AHCTF1: variants seen among roughly 807,000 people sequenced by gnomAD.
AHCTF1 encodes the protein protein ELYS.
AHCTF1 carries 24 observed loss-of-function variants against 248.4 expected under a neutral mutation model. That is an observed-to-expected ratio of 0.10 (90% CI 0.07 to 0.14). AHCTF1 has a LOEUF of 0.14. Among genes scored for constraint, AHCTF1 ranks in the 10% least tolerant of loss-of-function variants. The probability of loss-of-function intolerance (pLI) is 1.00; values close to 1 mark genes in which losing one functional copy is unlikely to be tolerated. For missense variants in AHCTF1, 2,206 were observed against 2,636.2 expected, an observed-to-expected ratio of 0.84 and a Z score of 3.57; for synonymous variants, 786 against 929.8, an observed-to-expected ratio of 0.85 and a Z score of 2.81.
At chr1:246,873,681 G>C (rs1246559169) in intron 24 of AHCTF1, among the ~76,000 whole-genome samples, 1 of 152,170 alleles carries the variant, frequency 6.6e-6, no homozygotes, top group Non-Finnish European at 1.5e-5. Context: ...ACAGCAAAGG[G>C]AAAGAATCTG....
intron 12 of AHCTF1, among the ~76,000 whole-genome samples, chr1:246,897,460 G>A (rs1188449103): frequency 6.6e-6 from 1 of 152,160 alleles, no homozygotes; most frequent in African/African-American, 2.4e-5. Context: ...GCTTAATGAT[G>A]GGGATACATT....
At chr1:246,916,019 C>T (rs962436794) in intron 3 of AHCTF1, 123 bp downstream of exon 3, 1 of 1,181,602 alleles carries the variant, frequency 8.5e-7, no homozygotes, top group African/African-American at 1.5e-5. Flanking sequence ...AACACATTTA[C>T]ATAAAAGTAT....
intron 17 of AHCTF1, among the ~76,000 whole-genome samples, chr1:246,888,932 T>C (rs1289081924): frequency 6.6e-6 from 1 of 152,214 alleles, no homozygotes; most frequent in East Asian, 1.9e-4. Flanking sequence ...AATTGGGAAT[T>C]TGACCCTAGT....
intron 10 of AHCTF1, 87 bp from the exon 11 acceptor site, chr1:246,899,599 G>A: frequency 1.1e-6 from 1 of 918,948 alleles, no homozygotes; most frequent in African/African-American, 1.7e-5. Context: ...CAGACTGCAA[G>A]GCAAGGTGTC....
intron 1 of AHCTF1, chr1:246,931,372 G>T: frequency 3.3e-6 from 5 of 1,514,762 alleles, no homozygotes; most frequent in African/African-American, 1.4e-5. Context: ...GAAGCCCGGC[G>T]CCCGCGAGCC....
chr1:246,868,909 A>G (rs1425524361), intron 24 of AHCTF1, among the ~76,000 whole-genome samples: 3 of 141,974 alleles, frequency 2.1e-5, no homozygotes, highest in East Asian at 2.1e-4. Flanking sequence ...CAGTGGTGTG[A>G]TCTCGGCTCA....
intron 1 of AHCTF1, among the ~76,000 whole-genome samples, chr1:246,920,430 G>T (rs1043312473): frequency 5.3e-5 from 8 of 152,060 alleles, no homozygotes; most frequent in Admixed American, 1.3e-4. Flanking sequence ...ATGGAGCAAT[G>T]AGAGTGAATC....
At chr1:246,873,452 T>C (rs565812572) in intron 24 of AHCTF1, among the ~76,000 whole-genome samples, 400 of 145,748 alleles carry the variant, frequency 2.7e-3, no homozygotes, top group African/African-American at 0.011. Context: ...TCCTGCATCA[T>C]AGCGAAGGGA....
chr1:246,919,508 TCAA>T (rs1666373780), intron 1 of AHCTF1, among the ~76,000 whole-genome samples: 2 of 151,774 alleles, frequency 1.3e-5, no homozygotes, highest in African/African-American at 4.8e-5. Context: ...GGTTAGGAGA[TCAA>T]CACCATCCTG....
intron 29 of AHCTF1, among the ~76,000 whole-genome samples, chr1:246,860,151 T>C (rs905925717): frequency 2.8e-5 from 4 of 145,232 alleles, no homozygotes; most frequent in African/African-American, 1.0e-4. Flanking sequence ...TCCCAGCTAC[T>C]CTGGAGGCTG....
At chr1:246,907,476 A>G in intron 5 of AHCTF1, 75 bp downstream of exon 5, 1 of 1,315,084 alleles carries the variant, frequency 7.6e-7, no homozygotes, top group Non-Finnish European at 1.0e-6. Context: ...CTAACTTTCA[A>G]ATATTAGTAA....
At position 246,888,507 on chromosome 1, in the gene AHCTF1, T is replaced by C; in HGVS notation, c.2155A>G (p.Asn719Asp). 6.2e-7 allele frequency: 1 copy of C among 1,613,864 alleles called. No individual in the cohort carries two copies. Among genetic ancestry groups the C allele is most frequent in the Non-Finnish European group, 8.5e-7 (1 of 1,179,932 alleles). The change falls in exon 18 of 36, where the codon AAT (asparagine) becomes GAT (aspartate). Residue 719 changes from asparagine (N) to aspartate (D), a missense_variant. Around this residue, in one of 6 missense-constraint regions of AHCTF1, gnomAD observed 650 missense variants for 870.8 expected, o/e 0.75. Coordinates refer to ENST00000648844, the MANE Select transcript of AHCTF1 (RefSeq NM_001323342.2). ...CCATCAATCATCAAGCAATCGGGAT[T>C]CCACTTCCCTCTGCAATCAGGGAAA... is the stretch of plus-strand genomic sequence containing the variant. ...KFERLSRGKW[N>D]PDCLMIDGLV...
At chr1:246,847,188 C>T (rs1347587857) in intron 33 of AHCTF1, among the ~76,000 whole-genome samples, 1 of 151,574 alleles carries the variant, frequency 6.6e-6, no homozygotes, top group African/African-American at 2.4e-5. Context: ...ACTGGGGAGG[C>T]TGAGGCAGGA....
intron 21 of AHCTF1, among the ~76,000 whole-genome samples, chr1:246,881,634 C>G (rs1296605135): frequency 1.3e-5 from 2 of 151,780 alleles, no homozygotes; most frequent in Non-Finnish European, 2.9e-5. Flanking sequence ...GTCAGGAGTT[C>G]AAGACCAGCC....
At chr1:246,922,314 T>G (rs528818678) in intron 1 of AHCTF1, among the ~76,000 whole-genome samples, 70 of 152,188 alleles carry the variant, frequency 4.6e-4, no homozygotes, top group Non-Finnish European at 7.5e-4. Flanking sequence ...AAGCAGAGAT[T>G]GCACCACTGC....
intron 1 of AHCTF1, among the ~76,000 whole-genome samples, chr1:246,930,763 T>C (rs977044966): frequency 1.3e-5 from 2 of 152,116 alleles, no homozygotes; most frequent in Non-Finnish European, 2.9e-5. Flanking sequence ...TGAGAATAAA[T>C]ATCGTTTAGG....
intron 15 of AHCTF1, 63 bp downstream of exon 15, chr1:246,891,716 C>T (rs1430608557): frequency 8.5e-6 from 13 of 1,536,710 alleles, no homozygotes; most frequent in East Asian, 4.6e-5. Context: ...AAATGTTATT[C>T]GTTTCTCTTA....
chr1:246,870,125 G>A (rs1339273260), intron 24 of AHCTF1, among the ~76,000 whole-genome samples: 10 of 152,154 alleles, frequency 6.6e-5, no homozygotes, highest in Non-Finnish European at 1.5e-5. Flanking sequence ...AGATATGGGG[G>A]AAAGAGCAAG....
intron 1 of AHCTF1, among the ~76,000 whole-genome samples, chr1:246,919,855 C>T (rs1194923782): frequency 6.6e-6 from 1 of 151,626 alleles, no homozygotes; most frequent in African/African-American, 2.4e-5. Flanking sequence ...AGAAAATAAA[C>T]TCACAGAGCC....
Sources: gnomAD v4.1 joint callset for allele counts (sites outside exome capture counted in the v4.1 genomes callset) on GRCh38, gnomAD v4.1.1 for gene constraint, gnomAD v4.1.1 regional missense constraint, MANE v1.5 for transcripts, NCBI Gene and HGNC (gene_info 2026-07-23, HGNC 2026-07-21) for gene names.